The following RAI14 variants were observed in gnomAD, a reference collection of about 807,000 sequenced individuals.
RAI14 encodes the protein ankycorbin.
RAI14 carries 45 observed loss-of-function variants against 115.4 expected under a neutral mutation model. The observed-to-expected ratio is 0.39, with a 90% CI of 0.31 to 0.50. The LOEUF is 0.50. Among genes scored for constraint, RAI14 ranks in the 20% least tolerant of loss-of-function variants. The pLI is 0.85. For missense variants in RAI14, 939 were observed against 1,131.2 expected, an observed-to-expected ratio of 0.83 and a Z score of 2.44; for synonymous variants, 371 against 415.4, an observed-to-expected ratio of 0.89 and a Z score of 1.30.
Position 34,824,306 on chromosome 5 carries a change from G to A in RAI14, c.2464G>A (p.Val822Ile). Residue 822 changes from valine (V) to isoleucine (I), a missense_variant, in exon 15 of 18, where the codon GTC becomes ATC. Coordinates refer to ENST00000265109, the MANE Select transcript of RAI14 (RefSeq NM_015577.3). ...GAAAGAGAAGGTCCATTCAGAGGTTGTCCAGATTAGAAGTGAGGTCTCACA... is the reference window on the plus strand; with the variant it reads ...GAAAGAGAAGGTCCATTCAGAGGTTATCCAGATTAGAAGTGAGGTCTCACA... ...KEKEKVHSEVVQIRSEVSQVK... is the reference protein window; with the variant it reads ...KEKEKVHSEVIQIRSEVSQVK... 1 of 1,614,210 alleles carries A rather than the reference G, an allele frequency of 6.2e-7. No individual in the cohort carries two copies. The highest frequency in any genetic ancestry group is 8.5e-7 in the Non-Finnish European group (1 of 1,180,028).
At chr5:34,660,307 C>A (rs576331158) in intron 1 of RAI14, among the ~76,000 whole-genome samples, 2 of 152,296 alleles carry the variant, frequency 1.3e-5, no homozygotes, top group East Asian at 3.9e-4. Context: ...TGGCGCATGC[C>A]TGTAATCCCA....
At chr5:34,656,764 G>T (rs957204108) in intron 1 of RAI14, 2 of 153,138 alleles carry the variant, frequency 1.3e-5, no homozygotes, top group African/African-American at 2.4e-5. Context: ...GGTCCTCCGC[G>T]ACTCGCAGGC....
chr5:34,769,934 G>A (rs1046057799), intron 3 of RAI14, among the ~76,000 whole-genome samples: 36 of 152,064 alleles, frequency 2.4e-4, no homozygotes, highest in Admixed American at 2.0e-3. Context: ...TCACCATGTT[G>A]GCCAGGCTGG....
chr5:34,807,949 C>T (rs1425540607), intron 6 of RAI14, 92 bp downstream of exon 6: 4 of 961,478 alleles, frequency 4.2e-6, no homozygotes, highest in African/African-American at 3.2e-5. Flanking sequence ...CCATACTATT[C>T]CTGGTGCTCT....
chr5:34,778,287 T>C (rs1470812134), intron 3 of RAI14, among the ~76,000 whole-genome samples: 1 of 152,224 alleles, frequency 6.6e-6, no homozygotes, highest in African/African-American at 2.4e-5. Flanking sequence ...ATTCAGTAGA[T>C]TTGGAGTGGT....
intron 1 of RAI14, among the ~76,000 whole-genome samples, chr5:34,661,738 A>G (rs991568581): frequency 1.3e-5 from 2 of 152,208 alleles, no homozygotes; most frequent in South Asian, 2.1e-4. Context: ...ATGAATGTGG[A>G]AGATGCATAA....
chr5:34,718,911 C>A lies in RAI14; in HGVS notation c.36+31956C>A, dbSNP rs556601864. ...TTGCCTACTCTCCCCACCTCCAGGA[C>A]AGATTCAAGACCAGTAATGCACAAG... On this transcript the variant is annotated intron_variant, in intron 2 of 17. Transcript: ENST00000265109. Among the ~76,000 whole-genome samples the A allele has an allele frequency of 2.0e-5, 3 of 152,340 alleles. No homozygotes were observed. The East Asian group carries it at 5.8e-4, about 29-fold the overall frequency.
chr5:34,738,352 AT>A (rs1375370583), intron 2 of RAI14, among the ~76,000 whole-genome samples: 1 of 152,206 alleles, frequency 6.6e-6, no homozygotes, highest in Non-Finnish European at 1.5e-5. Flanking sequence ...ACAGTTTGCT[AT>A]TTCTACACTT....
intron 2 of RAI14, among the ~76,000 whole-genome samples, chr5:34,747,619 G>C (rs1746459189): frequency 6.6e-6 from 1 of 152,134 alleles, no homozygotes; most frequent in Non-Finnish European, 1.5e-5. Context: ...CTCCATGAAG[G>C]AAAAAATTGG....
At chr5:34,684,413 A>G (rs1031687784) in intron 1 of RAI14, 4 of 152,250 alleles carry the variant, frequency 2.6e-5, no homozygotes, top group African/African-American at 9.6e-5. Context: ...TGGAATGTGC[A>G]CTTGCTATTC....
chr5:34,687,611 C>A, intron 2 of RAI14: 1 of 1,519,106 alleles, frequency 6.6e-7, no homozygotes, highest in South Asian at 1.3e-5. Flanking sequence ...TTTAAAAGGT[C>A]ACCCCATAAA....
Position 34,752,701 on chromosome 5 carries a change from A to ATGTG in RAI14, c.37-4766_37-4765insGTGT, listed in dbSNP as rs764853413. On this transcript the variant is annotated intron_variant, in intron 2 of 17. Coordinates refer to ENST00000265109, the MANE Select transcript of RAI14 (RefSeq NM_015577.3). ...TAAGAAATATCTATATTTCTTACAT[A>ATGTG]TATGTGTGTGTGTGTGTGTGTGTGT... 9.4e-3 allele frequency among the ~76,000 whole-genome samples: 845 copies of ATGTG among 89,970 alleles called. 16 individuals carry two copies. Among genetic ancestry groups the ATGTG allele is most frequent in the East Asian group, 0.028 (98 of 3,512 alleles). The allele number at this position is 89,970 out of a possible 152,430, so 59.0% of individuals were successfully genotyped here.
At chr5:34,738,082 T>C (rs1052599731) in intron 2 of RAI14, among the ~76,000 whole-genome samples, 1 of 152,050 alleles carries the variant, frequency 6.6e-6, no homozygotes, top group Non-Finnish European at 1.5e-5. Context: ...GGCTATGGAA[T>C]TGAGGAATGA....
chr5:34,692,728 G>A (rs138937540), intron 2 of RAI14, among the ~76,000 whole-genome samples: 35 of 152,102 alleles, frequency 2.3e-4, no homozygotes, highest in Non-Finnish European at 4.1e-4. Context: ...GCCGTGCTAC[G>A]TGTTTTCTAG....
intron 2 of RAI14, among the ~76,000 whole-genome samples, chr5:34,741,104 G>A (rs932021705): frequency 6.6e-6 from 1 of 152,182 alleles, no homozygotes; most frequent in Non-Finnish European, 1.5e-5. Flanking sequence ...TTGGAGCATT[G>A]TGGAACATCC....
chr5:34,716,982 T>G (rs999688701), intron 2 of RAI14: 2 of 152,358 alleles, frequency 1.3e-5, no homozygotes, highest in South Asian at 2.1e-4. Flanking sequence ...AAATGCTGCT[T>G]CTTTATTATG....
At chr5:34,740,171 G>A (rs953843742) in intron 2 of RAI14, among the ~76,000 whole-genome samples, 1 of 152,212 alleles carries the variant, frequency 6.6e-6, no homozygotes, top group Admixed American at 6.5e-5. Flanking sequence ...TTGTGTATAG[G>A]ATGCCCTGGA....
At position 34,823,432 on chromosome 5, in the gene RAI14, G is replaced by A; in HGVS notation, c.1590G>A (p.Glu530=). 6.2e-7 allele frequency: 1 copy of A among 1,614,106 alleles called. No homozygotes were observed. The highest frequency in any genetic ancestry group is 8.5e-7 in the Non-Finnish European group (1 of 1,180,030). The change falls in exon 15 of 18, where the codon GAG becomes GAA. Residue 530 remains glutamate (E), a synonymous_variant. Transcript: ENST00000265109. This position sits in a 1 kb window ranked among gnomAD's most constrained non-coding sequence, Gnocchi z 4.5. ...SHFHELRVTE[E]EINVLKQDLQ... is the part of the protein sequence containing the mutation. ...TCCACGAGCTGAGGGTCACGGAAGA[G>A]GAAATAAATGTGCTAAAGCAGGATC...
At position 34,810,777 on chromosome 5, in the gene RAI14, G is replaced by A. The variant is rs180905475; in HGVS notation, c.451-235G>A. On this transcript the variant is annotated intron_variant, in intron 7 of 17. Coordinates refer to ENST00000265109, the MANE Select transcript of RAI14 (RefSeq NM_015577.3). ...GTGATAGCCAAGGGCATAAGCAGCC[G>A]CAAGAAGCTGGAGCTCCTATGTAAA... Among the ~76,000 whole-genome samples the A allele has an allele frequency of 1.7e-4, 26 of 152,124 alleles. No homozygotes were observed. In the East Asian group the frequency reaches 4.4e-3, roughly 26 times the overall value.
Sources: allele counts gnomAD v4.1 joint callset (sites outside exome capture counted in the v4.1 genomes callset), GRCh38; gene constraint gnomAD v4.1.1; non-coding constraint Gnocchi (gnomAD v3.1); transcripts MANE v1.5; gene names NCBI Gene and HGNC (gene_info 2026-07-23, HGNC 2026-07-21).